Variants in FAM53B observed in about 807,000 individuals in gnomAD.
FAM53B encodes protein FAM53B.
Under a neutral mutation model 32.7 loss-of-function variants are expected in FAM53B, and 12 were observed. That is an observed-to-expected ratio of 0.37 (90% CI 0.24 to 0.59). FAM53B has a LOEUF of 0.59. Ranked by LOEUF, FAM53B falls within the 20% of genes least tolerant of loss-of-function variation. FAM53B has a pLI of 0.72. For missense variants in FAM53B, 477 were observed against 577.7 expected, an observed-to-expected ratio of 0.83 and a Z score of 1.79; for synonymous variants, 234 against 228.7, an observed-to-expected ratio of 1.02 and a Z score of -0.21.
intron 4 of FAM53B, among the ~76,000 whole-genome samples, chr10:124,666,703 G>A (rs911605701): frequency 2.6e-5 from 4 of 152,216 alleles, no homozygotes; most frequent in African/African-American, 4.8e-5. Flanking sequence ...AGGGCTGCAC[G>A]GGTACAGTAG....
chr10:124,736,208 C>CA (rs1950173341), intron 1 of FAM53B, among the ~76,000 whole-genome samples: 1 of 152,380 alleles, frequency 6.6e-6, no homozygotes, highest in Admixed American at 6.5e-5. Context: ...GGTGAGAAAT[C>CA]AGAGGCCCAG....
intron 1 of FAM53B, among the ~76,000 whole-genome samples, chr10:124,710,499 C>T (rs1348567428): frequency 6.6e-6 from 1 of 152,258 alleles, no homozygotes; most frequent in African/African-American, 2.4e-5. Flanking sequence ...CGGCCAACTT[C>T]ACTGGGGAAT....
In FAM53B at chr10:124,623,036, G is replaced by GT. The variant is rs1949321815; in HGVS notation, c.*205dup. 1 of 604,588 alleles carries GT rather than the reference G, an allele frequency of 1.7e-6. No homozygotes were observed. The highest frequency in any genetic ancestry group is 1.9e-5 in the African/African-American group (1 of 52,844). The allele number at this position is 604,588 out of a possible 1,614,324, so 37.5% of individuals were successfully genotyped here. A position where few individuals can be genotyped will look rare whatever the true frequency, so the allele number is the denominator to read the frequency against. On this transcript the variant is annotated 3_prime_UTR_variant, in exon 5 of 5. Transcript: ENST00000337318. ...GGTGGCTGCCACGCTCGGGGAGCCG[G>GT]TGAGAGGCTGACACACCCGCTGTAT... is the stretch of plus-strand genomic sequence containing the variant.
At chr10:124,681,239 A>G (rs962677121) in intron 4 of FAM53B, among the ~76,000 whole-genome samples, 1 of 152,154 alleles carries the variant, frequency 6.6e-6, no homozygotes, top group Non-Finnish European at 1.5e-5. Context: ...GTGTGTGTGT[A>G]TATCTCTTGC....
intron 4 of FAM53B, among the ~76,000 whole-genome samples, chr10:124,644,973 C>T (rs1195606217): frequency 1.3e-5 from 2 of 152,222 alleles, no homozygotes; most frequent in Admixed American, 6.5e-5. Context: ...CCCCTGAATG[C>T]CAGGGGGAGG....
At chr10:124,679,798 G>A (rs1035780386) in intron 4 of FAM53B, among the ~76,000 whole-genome samples, 2 of 152,246 alleles carry the variant, frequency 1.3e-5, no homozygotes, top group African/African-American at 4.8e-5. Flanking sequence ...ACAACTGGGC[G>A]CAGCCCCACT....
intron 4 of FAM53B, among the ~76,000 whole-genome samples, chr10:124,680,215 T>G (rs950918043): frequency 2.0e-5 from 3 of 152,190 alleles, no homozygotes; most frequent in Non-Finnish European, 4.4e-5. Flanking sequence ...GGAAACTAGC[T>G]GAGAAGAGGC....
At chr10:124,662,829 C>T (rs1179399881) in intron 4 of FAM53B, among the ~76,000 whole-genome samples, 1 of 152,098 alleles carries the variant, frequency 6.6e-6, no homozygotes, top group Non-Finnish European at 1.5e-5. Flanking sequence ...GTCAATCAAT[C>T]GATTTTTGGG....
chr10:124,669,685 G>C (rs1172194284), intron 4 of FAM53B, among the ~76,000 whole-genome samples: 1 of 152,206 alleles, frequency 6.6e-6, no homozygotes, highest in Non-Finnish European at 1.5e-5. Context: ...TGCTTCACAA[G>C]TGGTGGGGAG....
chr10:124,723,533 C>CTG (rs1950083066), intron 1 of FAM53B, among the ~76,000 whole-genome samples: 1 of 152,250 alleles, frequency 6.6e-6, no homozygotes, highest in Non-Finnish European at 1.5e-5. Context: ...TGAAAACACT[C>CTG]ATCAGAGTTT....
intron 4 of FAM53B, among the ~76,000 whole-genome samples, chr10:124,647,459 C>T (rs1185351529): frequency 6.6e-6 from 1 of 152,218 alleles, no homozygotes; most frequent in Admixed American, 6.5e-5. Flanking sequence ...ACTGGAAGCT[C>T]CCTGTAGACA....
intron 4 of FAM53B, among the ~76,000 whole-genome samples, chr10:124,626,526 A>G (rs1038514175): frequency 2.6e-5 from 4 of 152,060 alleles, no homozygotes; most frequent in African/African-American, 9.7e-5. Context: ...CCAGCCAGAC[A>G]AGGATGTGAG....
rs182696246 is a variant in FAM53B, at chr10:124,715,952, C to A, written c.-174-9065G>T. Among the ~76,000 whole-genome samples, 35 of 152,352 alleles carry A rather than the reference C, an allele frequency of 2.3e-4. No individual in the cohort carries two copies. The East Asian group carries it at 6.4e-3, about 28-fold the overall frequency. On this transcript the variant is annotated intron_variant, in intron 1 of 4. Coordinates refer to ENST00000337318, the MANE Select transcript of FAM53B (RefSeq NM_014661.4). ...TAAATGCTCATAAATTGGATAAAAG[C>A]ATCTCGTCTTCACAGCTACAGCATT...
At chr10:124,735,401 A>T (rs1477701615) in intron 1 of FAM53B, among the ~76,000 whole-genome samples, 1 of 152,236 alleles carries the variant, frequency 6.6e-6, no homozygotes, top group Non-Finnish European at 1.5e-5. Flanking sequence ...GAGAAAACTT[A>T]GATTTCACCA....
rs917369254 is a variant in FAM53B at position 124,620,230 on chromosome 10, G to A, written c.*3012C>T. ...CGTGCAAATCCGGCCTCCACCGCGAGTAAGGCAAGAGGGTATGGCAACGAA... is the reference window on the plus strand; with the variant it reads ...CGTGCAAATCCGGCCTCCACCGCGAATAAGGCAAGAGGGTATGGCAACGAA... On this transcript the variant is annotated 3_prime_UTR_variant, in exon 5 of 5. Transcript: ENST00000337318. 1 of 152,664 alleles carries A rather than the reference G, an allele frequency of 6.6e-6. No homozygotes were observed. The highest frequency in any genetic ancestry group is 1.5e-5 in the Non-Finnish European group (1 of 68,060). The allele number at this position is 152,664 out of a possible 1,614,324, so 9.5% of individuals were successfully genotyped here.
intron 1 of FAM53B, among the ~76,000 whole-genome samples, chr10:124,732,456 G>A (rs910837574): frequency 2.0e-5 from 3 of 152,304 alleles, no homozygotes; most frequent in East Asian, 1.9e-4. Context: ...CCCTGGCCAC[G>A]CTCCTCCATG....
intron 1 of FAM53B, among the ~76,000 whole-genome samples, chr10:124,737,746 CAG>C (rs2134105711): frequency 6.6e-6 from 1 of 152,260 alleles, no homozygotes; most frequent in East Asian, 1.9e-4. Flanking sequence ...TCTGAGCTGA[CAG>C]AGTGACATTC....
chr10:124,654,346 C>T (rs1949573471), intron 4 of FAM53B, among the ~76,000 whole-genome samples: 1 of 152,216 alleles, frequency 6.6e-6, no homozygotes, highest in South Asian at 2.1e-4. Flanking sequence ...TCTCTCCACA[C>T]CAGGACAGAA....
chr10:124,683,013 A>G (rs761305048), intron 3 of FAM53B, among the ~76,000 whole-genome samples: 3 of 152,208 alleles, frequency 2.0e-5, no homozygotes, highest in African/African-American at 7.2e-5. Flanking sequence ...AGCGTCACCA[A>G]TGGCTGCCAA....
Sources: gnomAD v4.1 joint callset for allele counts (sites outside exome capture counted in the v4.1 genomes callset) on GRCh38, gnomAD v4.1.1 for gene constraint, MANE v1.5 for transcripts, NCBI Gene and HGNC (gene_info 2026-07-23, HGNC 2026-07-21) for gene names.